The following ENTREP2 variants were observed in gnomAD, a reference collection of about 807,000 sequenced individuals.
ENTREP2 encodes endosomal transmembrane epsin interactor 2, also known as protein ENTREP2.
the ENTREP2 span, among the ~76,000 whole-genome samples, chr15:29,164,190 G>A: frequency 6.6e-6 from 1 of 152,042 alleles, no homozygotes; most frequent in Non-Finnish European, 1.5e-5. Context: ...ACAAATCCTG[G>A]AAACACATCA....
At chr15:29,227,710 G>C in the ENTREP2 span, among the ~76,000 whole-genome samples, 4 of 152,328 alleles carry the variant, frequency 2.6e-5, no homozygotes, top group East Asian at 7.7e-4. Context: ...TCTGGAAAGA[G>C]ACAAAGTTAA....
the ENTREP2 span, among the ~76,000 whole-genome samples, chr15:29,602,501 T>A: frequency 6.6e-6 from 1 of 152,098 alleles, no homozygotes; most frequent in Non-Finnish European, 1.5e-5. Flanking sequence ...ATATTCAAGA[T>A]GAAAAAACTG....
chr15:29,223,953 G>A, the ENTREP2 span, among the ~76,000 whole-genome samples: 4 of 152,194 alleles, frequency 2.6e-5, no homozygotes, highest in Admixed American at 6.5e-5. Context: ...AGCTCTGCCT[G>A]TGAACACAGA....
chr15:29,212,462 GT>G, the ENTREP2 span, among the ~76,000 whole-genome samples: 1 of 151,612 alleles, frequency 6.6e-6, no homozygotes, highest in African/African-American at 2.4e-5. Context: ...GTATTTTTTT[GT>G]TTCAATTTCA....
chr15:29,554,341 GT>G, the ENTREP2 span, among the ~76,000 whole-genome samples: 6 of 147,036 alleles, frequency 4.1e-5, no homozygotes, highest in African/African-American at 1.5e-4. Flanking sequence ...AAGGAAGGAA[GT>G]GAGGAAGGTA....
chr15:29,223,272 G>C, the ENTREP2 span, among the ~76,000 whole-genome samples: 7 of 152,142 alleles, frequency 4.6e-5, no homozygotes, highest in Non-Finnish European at 8.8e-5. Context: ...AGGTTCACTA[G>C]GCCGTGGGTG....
At chr15:29,547,305 G>A in the ENTREP2 span, among the ~76,000 whole-genome samples, 3 of 151,656 alleles carry the variant, frequency 2.0e-5, no homozygotes, top group Non-Finnish European at 4.4e-5. Context: ...GGCCAGGCTG[G>A]TCTCAAACTC....
chr15:29,319,893 C>T, the ENTREP2 span, among the ~76,000 whole-genome samples: 1 of 152,136 alleles, frequency 6.6e-6, no homozygotes, highest in African/African-American at 2.4e-5. Context: ...TAGGGGGACA[C>T]CCTACACTTT....
the ENTREP2 span, among the ~76,000 whole-genome samples, chr15:29,206,149 G>A: frequency 6.6e-6 from 1 of 152,212 alleles, no homozygotes; most frequent in East Asian, 1.9e-4. Flanking sequence ...GAGTTCTGGA[G>A]GCTGGGAAGC....
At chr15:29,157,277 C>A in the ENTREP2 span, among the ~76,000 whole-genome samples, 1 of 152,114 alleles carries the variant, frequency 6.6e-6, no homozygotes, top group Non-Finnish European at 1.5e-5. Flanking sequence ...TTCAAATGTG[C>A]CTTCACCTTG....
At chr15:29,360,169 C>T in the ENTREP2 span, among the ~76,000 whole-genome samples, 7 of 152,222 alleles carry the variant, frequency 4.6e-5, no homozygotes, top group Non-Finnish European at 8.8e-5. Context: ...CACAGACAGA[C>T]ATATCACATA....
chr15:29,349,841 T>C, the ENTREP2 span, among the ~76,000 whole-genome samples: 2 of 152,182 alleles, frequency 1.3e-5, no homozygotes, highest in East Asian at 3.9e-4. Flanking sequence ...GAGGTTGCAG[T>C]GAGCTGAGAT....
At chr15:29,282,812 G>A in the ENTREP2 span, among the ~76,000 whole-genome samples, 5 of 152,174 alleles carry the variant, frequency 3.3e-5, no homozygotes, top group Non-Finnish European at 7.3e-5. Flanking sequence ...GCACATCCAA[G>A]TCTGCCCTTT....
the ENTREP2 span, among the ~76,000 whole-genome samples, chr15:29,251,386 T>C: frequency 2.0e-5 from 3 of 152,248 alleles, 1 homozygote; most frequent in South Asian, 6.2e-4. Context: ...TAAGTTATTT[T>C]GAAATGATCG....
the ENTREP2 span, among the ~76,000 whole-genome samples, chr15:29,444,171 A>AGAC: frequency 0.15 from 1,339 of 8,830 alleles, 129 homozygotes; most frequent in African/African-American, 0.31. Context: ...AAAGACAGAC[A>AGAC]AAGAAAGAAA....
the ENTREP2 span, among the ~76,000 whole-genome samples, chr15:29,568,423 G>A: frequency 1.3e-5 from 2 of 152,178 alleles, no homozygotes; most frequent in African/African-American, 2.4e-5. Flanking sequence ...CGGGCACAGT[G>A]GCTCAAGCTT....
At chr15:29,612,187 C>T in the ENTREP2 span, among the ~76,000 whole-genome samples, 1 of 152,166 alleles carries the variant, frequency 6.6e-6, no homozygotes, top group Admixed American at 6.5e-5. Context: ...TCCTCACGTG[C>T]ATTCCACAGT....
At chr15:29,263,742 T>G in the ENTREP2 span, among the ~76,000 whole-genome samples, 1 of 152,104 alleles carries the variant, frequency 6.6e-6, no homozygotes, top group Admixed American at 6.5e-5. Context: ...CTGGAAGCAA[T>G]GATATTTCCC....
the ENTREP2 span, among the ~76,000 whole-genome samples, chr15:29,118,520 C>A: frequency 0.63 from 95,482 of 152,134 alleles, 35,529 homozygotes; most frequent in Middle Eastern, 0.85. Context: ...GGGCAACGCC[C>A]CGCTGCAACT....
Sources: allele counts gnomAD v4.1 joint callset (sites outside exome capture counted in the v4.1 genomes callset), GRCh38; gene constraint gnomAD v4.1.1; transcripts MANE v1.5; gene names NCBI Gene and HGNC (gene_info 2026-07-23, HGNC 2026-07-21).